The following ITPK1 variants were observed in gnomAD, a reference collection of about 807,000 sequenced individuals.
ITPK1 encodes the protein inositol-tetrakisphosphate 1-kinase.
In ITPK1, 21 loss-of-function variants were observed where a neutral mutation model predicts 45.3. The observed-to-expected ratio is 0.46, with a 90% CI of 0.33 to 0.67. The LOEUF (loss-of-function observed/expected upper bound fraction) is 0.67. Among genes scored for constraint, ITPK1 ranks in the 30% least tolerant of loss-of-function variants. The pLI is 0.02. For synonymous variants in ITPK1, 258 were observed against 253.6 expected (o/e 1.02, Z -0.16); for missense variants, 474 against 573.5 (o/e 0.83, Z 1.77).
chr14:92,946,401 G>A lies in ITPK1; in HGVS notation c.831C>T (p.Leu277=), dbSNP rs1171179446. The A allele has an allele frequency of 1.2e-6, 2 of 1,613,412 alleles. No individual in the cohort carries two copies. The highest frequency in any genetic ancestry group is 1.7e-6 in the Non-Finnish European group (2 of 1,180,014). Residue 277 remains leucine, a synonymous_variant, in exon 10 of 11, where the codon CTC becomes CTT. Transcript: ENST00000267615. The stretch of plus-strand genomic sequence containing the variant: ...TGTTGATGATGATGTCGATGCCGAA[G>A]AGTGACACGCCCAGTGCCTGCCGCA... The part of the protein sequence containing the change: ...RALRQALGVS[L]FGIDIIINNQ...
At chr14:93,042,498 C>T (rs1889598743) in intron 3 of ITPK1, among the ~76,000 whole-genome samples, 1 of 152,148 alleles carries the variant, frequency 6.6e-6, no homozygotes, top group African/African-American at 2.4e-5. Flanking sequence ...TTTGAGGGTG[C>T]TGATCGGATA....
intron 3 of ITPK1, among the ~76,000 whole-genome samples, chr14:93,051,834 C>A (rs78610803): frequency 0.036 from 5,439 of 152,314 alleles, 334 homozygotes; most frequent in African/African-American, 0.12. Context: ...TCCATTGTAA[C>A]GCTAACTCAC....
chr14:93,074,317 G>A (rs562076388), intron 3 of ITPK1, among the ~76,000 whole-genome samples: 7 of 152,174 alleles, frequency 4.6e-5, no homozygotes, highest in Non-Finnish European at 1.0e-4. Flanking sequence ...CTTCTGCCCC[G>A]GACATTCTGA....
chr14:93,113,342 A>C (rs1892822351), intron 2 of ITPK1, among the ~76,000 whole-genome samples: 1 of 152,212 alleles, frequency 6.6e-6, no homozygotes, highest in African/African-American at 2.4e-5. Flanking sequence ...CCTAGTTGTG[A>C]GTCTCGGCGA....
At chr14:92,998,233 T>G (rs1041246225) in intron 4 of ITPK1, among the ~76,000 whole-genome samples, 21 of 152,196 alleles carry the variant, frequency 1.4e-4, no homozygotes, top group Non-Finnish European at 2.6e-4. Flanking sequence ...GAAAGGATTC[T>G]CATTACCCTG....
At position 92,940,596 on chromosome 14, in the gene ITPK1, G is replaced by A. The variant is rs1316992993; in HGVS notation, c.*965C>T. On this transcript the variant is annotated 3_prime_UTR_variant, in exon 11 of 11. Coordinates refer to ENST00000267615, the MANE Select transcript of ITPK1 (RefSeq NM_014216.6). ...AGGGCCCCGATCTCCATGGTGTCAT[G>A]CCGAGGCTCCCGCGCCTATCCTCAC... 25 of 1,196,170 alleles carry A rather than the reference G, an allele frequency of 2.1e-5. No homozygotes were observed. The highest frequency in any genetic ancestry group is 3.5e-4 in the Middle Eastern group (1 of 2,866). The allele number at this position is 1,196,170 out of a possible 1,614,324, so 74.1% of individuals were successfully genotyped here. A position where few individuals can be genotyped will look rare whatever the true frequency, so the allele number is the denominator to read the frequency against.
chr14:93,073,296 G>A (rs1270940056), intron 3 of ITPK1, among the ~76,000 whole-genome samples: 1 of 152,238 alleles, frequency 6.6e-6, no homozygotes, highest in African/African-American at 2.4e-5. Flanking sequence ...ATCCTCTGCA[G>A]AGGTGGGAGG....
chr14:93,015,269 C>A lies in ITPK1; in HGVS notation c.246+1407G>T, dbSNP rs116296502. ...AGCTGCACATGCTTCCACGCCTCCACTTCCTGCTTATCAACAAGGCTGGTG... is the reference window on the plus strand; with the variant it reads ...AGCTGCACATGCTTCCACGCCTCCAATTCCTGCTTATCAACAAGGCTGGTG... On this transcript the variant is annotated intron_variant, in intron 4 of 10. Coordinates refer to ENST00000267615, the MANE Select transcript of ITPK1 (RefSeq NM_014216.6). 4.1e-3 allele frequency among the ~76,000 whole-genome samples: 629 copies of A among 152,302 alleles called. 5 individuals carry two copies. Among genetic ancestry groups the A allele is most frequent in the African/African-American group, 0.014 (589 of 41,564 alleles).
chr14:92,939,557 T>C lies in ITPK1; in HGVS notation c.*2004A>G, dbSNP rs1887252810. 1 of 422,994 alleles carries C rather than the reference T, an allele frequency of 2.4e-6. No individual in the cohort carries two copies. The highest frequency in any genetic ancestry group is 3.2e-6 in the Non-Finnish European group (1 of 316,162). The allele number at this position is 422,994 out of a possible 1,614,324, so 26.2% of individuals were successfully genotyped here. A position where few individuals can be genotyped will look rare whatever the true frequency, so the allele number is the denominator to read the frequency against. ...AAATCTCCATCCTCCATCTCCACTC[T>C]TGGAAAATGCAGCTGCCCTGCACAC... On this transcript the variant is annotated 3_prime_UTR_variant, in exon 11 of 11. Transcript: ENST00000267615.
intron 2 of ITPK1, among the ~76,000 whole-genome samples, chr14:93,095,201 A>G (rs1295343776): frequency 6.6e-6 from 1 of 152,076 alleles, no homozygotes; most frequent in East Asian, 1.9e-4. Flanking sequence ...CACCACCACC[A>G]CCACAGTAAT....
chr14:93,057,554 G>A lies in ITPK1; in HGVS notation c.120+19041C>T, dbSNP rs78521689. On this transcript the variant is annotated intron_variant, in intron 3 of 10. Coordinates refer to ENST00000267615, the MANE Select transcript of ITPK1 (RefSeq NM_014216.6). ...AGGCTAAGAAAGGAAACAGACGTGC[G>A]AGTACACCTGGGAGATTTTCTAGCC... Among the ~76,000 whole-genome samples, 789 of 152,344 alleles carry A rather than the reference G, an allele frequency of 5.2e-3. 7 individuals carry two copies. Among genetic ancestry groups the A allele is most frequent in the African/African-American group, 0.016 (677 of 41,570 alleles).
chr14:93,062,668 C>T (rs191980228), intron 3 of ITPK1, among the ~76,000 whole-genome samples: 5,000 of 152,248 alleles, frequency 0.033, 287 homozygotes, highest in African/African-American at 0.11. Context: ...GGACAGAGGT[C>T]AGGCACTAGC....
rs931863880 is a variant in ITPK1, at chr14:92,941,479, T to C, written c.*82A>G. On this transcript the variant is annotated 3_prime_UTR_variant, in exon 11 of 11. Coordinates refer to ENST00000267615, the MANE Select transcript of ITPK1 (RefSeq NM_014216.6). ...GAATCAGATCACTGGGGATTCTTAGTAGTAGCATCGCCGTTGGGAGCTGCT... is the reference window on the plus strand; with the variant it reads ...GAATCAGATCACTGGGGATTCTTAGCAGTAGCATCGCCGTTGGGAGCTGCT... 4 of 1,441,438 alleles carry C rather than the reference T, an allele frequency of 2.8e-6. No individual in the cohort carries two copies. The highest frequency in any genetic ancestry group is 3.0e-5 in the African/African-American group (2 of 67,358). 89.3% of individuals were successfully genotyped at this position (1,441,438 alleles called of 1,614,324 possible).
At chr14:92,960,103 CAG>C (rs1884986953) in intron 7 of ITPK1, among the ~76,000 whole-genome samples, 1 of 152,232 alleles carries the variant, frequency 6.6e-6, no homozygotes, top group Admixed American at 6.5e-5. Context: ...CCCGTCTGCA[CAG>C]AGAGTCCGCT....
In ITPK1 at chr14:93,094,763, G is replaced by C. The variant is rs150288815; in HGVS notation, c.96-18144C>G. 7.0e-3 allele frequency among the ~76,000 whole-genome samples: 1,060 copies of C among 152,278 alleles called. 13 individuals carry two copies. Among genetic ancestry groups the C allele is most frequent in the African/African-American group, 0.025 (1,020 of 41,556 alleles). ...CCACTGCAGGCACAGGGAGAGGCAGGGGTGTTCCTCCCACAGCCAGCCCAC... is the reference window on the plus strand; with the variant it reads ...CCACTGCAGGCACAGGGAGAGGCAGCGGTGTTCCTCCCACAGCCAGCCCAC... On this transcript the variant is annotated intron_variant, in intron 2 of 10. Coordinates refer to ENST00000267615, the MANE Select transcript of ITPK1 (RefSeq NM_014216.6).
At chr14:93,105,220 A>G (rs1456330091) in intron 2 of ITPK1, among the ~76,000 whole-genome samples, 2 of 152,162 alleles carry the variant, frequency 1.3e-5, no homozygotes, top group Non-Finnish European at 2.9e-5. Flanking sequence ...CTCAGGGTAC[A>G]GAGACCCAGG....
chr14:92,996,646 G>A lies in ITPK1; in HGVS notation c.247-2649C>T, dbSNP rs192442442. Among the ~76,000 whole-genome samples the A allele has an allele frequency of 5.2e-4, 79 of 152,184 alleles. No individual in the cohort carries two copies. The Middle Eastern group carries it at 0.031, about 59-fold the overall frequency. ...GACAGTGCTCAGGGCATTATGTGGG[G>A]TGCAGCAGATACTCAGATGATCAAA... On this transcript the variant is annotated intron_variant, in intron 4 of 10. Coordinates refer to ENST00000267615, the MANE Select transcript of ITPK1 (RefSeq NM_014216.6).
At chr14:93,093,949 T>C (rs535889277) in intron 2 of ITPK1, among the ~76,000 whole-genome samples, 2 of 152,356 alleles carry the variant, frequency 1.3e-5, no homozygotes, top group East Asian at 3.9e-4. Flanking sequence ...CAACCCGGCC[T>C]CAAAGGGATC....
intron 5 of ITPK1, among the ~76,000 whole-genome samples, chr14:92,981,004 G>A (rs745325997): frequency 6.6e-6 from 1 of 152,120 alleles, no homozygotes; most frequent in Non-Finnish European, 1.5e-5. Context: ...CACCGCACCC[G>A]GCCTCTCTTG....
Sources: allele counts gnomAD v4.1 joint callset (sites outside exome capture counted in the v4.1 genomes callset), GRCh38; gene constraint gnomAD v4.1.1; transcripts MANE v1.5; gene names NCBI Gene and HGNC (gene_info 2026-07-23, HGNC 2026-07-21).